The following NRG2 variants were observed in gnomAD, a reference collection of about 807,000 sequenced individuals.
NRG2 encodes the protein pro-neuregulin-2, membrane-bound isoform.
NRG2 carries 27 observed loss-of-function variants against 73.9 expected under a neutral mutation model. The observed-to-expected ratio is 0.37, with a 90% confidence interval of 0.27 to 0.50. The LOEUF is 0.50. Among genes scored for constraint, NRG2 ranks in the 20% least tolerant of loss-of-function variants. NRG2 has a pLI of 0.96. For synonymous variants in NRG2, 532 were observed against 541.0 expected (o/e 0.98, Z 0.23); for missense variants, 1,126 against 1,210.1 (o/e 0.93, Z 1.03).
At chr5:139,857,479 T>G (rs1359922641) in intron 5 of NRG2, among the ~76,000 whole-genome samples, 1 of 151,874 alleles carries the variant, frequency 6.6e-6, no homozygotes, top group Non-Finnish European at 1.5e-5. Context: ...TCAGACTTGT[T>G]GAGTTTACCA....
chr5:139,936,582 A>G (rs1338589846), intron 1 of NRG2, among the ~76,000 whole-genome samples: 1 of 152,188 alleles, frequency 6.6e-6, no homozygotes, highest in Non-Finnish European at 1.5e-5. Context: ...ATATTTAAGA[A>G]AGAAGGAATA....
intron 1 of NRG2, among the ~76,000 whole-genome samples, chr5:139,997,850 G>T (rs940783985): frequency 2.6e-5 from 4 of 152,242 alleles, no homozygotes; most frequent in Admixed American, 1.3e-4. Flanking sequence ...CCTCTCCATG[G>T]AGCCTGGAAC....
In NRG2 at chr5:139,856,819, A is replaced by G. The variant is rs1761836947; in HGVS notation, c.1190-1041T>C. 6.6e-6 allele frequency among the ~76,000 whole-genome samples: 1 copy of G among 152,160 alleles called. No individual in the cohort carries two copies. On this transcript the variant is annotated intron_variant, in intron 5 of 9. Transcript: ENST00000361474. This position sits in a 1 kb window ranked among gnomAD's most constrained non-coding sequence, Gnocchi z 4.2. ...ACACACCTGCACACACAACATATGC[A>G]CACACACAGAGTTAACCACACACTC...
rs1177624102 is a variant in NRG2, at chr5:140,043,122, G to A, written c.-53C>T. Reference sequence around the variant, plus strand: ...CGCTCAGCCGCCGCCGCCTTGGGAGGGGAAACAGAGCCCGCTGGAAAACCG... The same window carrying A: ...CGCTCAGCCGCCGCCGCCTTGGGAGAGGAAACAGAGCCCGCTGGAAAACCG... On this transcript the variant is annotated 5_prime_UTR_variant, in exon 1 of 10. Transcript: ENST00000361474. The surrounding 1 kb of genome is among the most constrained non-coding windows in gnomAD (Gnocchi z 6.7). 1 of 1,554,016 alleles carries A rather than the reference G, an allele frequency of 6.4e-7. No homozygotes were observed. Among genetic ancestry groups the A allele is most frequent in the Non-Finnish European group, 8.6e-7 (1 of 1,156,766 alleles).
Position 139,954,630 on chromosome 5 carries a change from C to G in NRG2, c.701-67119G>C, listed in dbSNP as rs1434459953. Among the ~76,000 whole-genome samples the G allele has an allele frequency of 2.0e-5, 3 of 152,234 alleles. No homozygotes were observed. The highest frequency in any genetic ancestry group is 7.2e-5 in the African/African-American group (3 of 41,460). ...ATCCTCACTCCCATGGCTCTCCAGG[C>G]CAAGCCCTCCACCCCAGCGACTCTC... On this transcript the variant is annotated intron_variant, in intron 1 of 9. Coordinates refer to ENST00000361474, the MANE Select transcript of NRG2 (RefSeq NM_004883.3). This position sits in a 1 kb window ranked among gnomAD's most constrained non-coding sequence, Gnocchi z 5.0.
intron 1 of NRG2, among the ~76,000 whole-genome samples, chr5:139,996,030 A>C (rs1319132980): frequency 6.6e-6 from 1 of 152,222 alleles, no homozygotes; most frequent in Non-Finnish European, 1.5e-5. Context: ...AAAAGAAAAA[A>C]GAAAGAAAAG....
chr5:139,958,536 TA>T (rs1157493967), intron 1 of NRG2, among the ~76,000 whole-genome samples: 3 of 152,182 alleles, frequency 2.0e-5, no homozygotes, highest in African/African-American at 7.2e-5. Flanking sequence ...GGAAAAAGGA[TA>T]TTTTTTGTGG....
intron 3 of NRG2, among the ~76,000 whole-genome samples, chr5:139,875,637 A>G (rs1177411281): frequency 1.3e-5 from 2 of 152,192 alleles, no homozygotes; most frequent in Non-Finnish European, 2.9e-5. Flanking sequence ...CAAAGCCACA[A>G]TGAGACCAAG....
intron 3 of NRG2, among the ~76,000 whole-genome samples, chr5:139,880,588 C>T (rs1763468516): frequency 6.6e-6 from 1 of 152,196 alleles, no homozygotes; most frequent in African/African-American, 2.4e-5. Context: ...CTTTCCCCAC[C>T]CCCACCTCTT....
In NRG2 at chr5:139,852,662, G is replaced by C. The variant is rs1761525344; in HGVS notation, c.1417-103C>G. On this transcript the variant is annotated intron_variant, in intron 7 of 9. Transcript: ENST00000361474. The surrounding 1 kb of genome is among the most constrained non-coding windows in gnomAD (Gnocchi z 4.4). ...TGAGCACTGACTGAGCTCCTGGTTG[G>C]GGAGACCCACTGTGTGAGAGTGACT... 1 of 1,523,436 alleles carries C rather than the reference G, an allele frequency of 6.6e-7. No individual in the cohort carries two copies. The highest frequency in any genetic ancestry group is 1.4e-5 in the African/African-American group (1 of 72,642). The allele number at this position is 1,523,436 out of a possible 1,614,324, so 94.4% of individuals were successfully genotyped here. A position where few individuals can be genotyped will look rare whatever the true frequency, so the allele number is the denominator to read the frequency against.
chr5:139,858,468 T>C (rs1761944917), intron 5 of NRG2, among the ~76,000 whole-genome samples: 1 of 152,234 alleles, frequency 6.6e-6, no homozygotes, highest in African/African-American at 2.4e-5. Flanking sequence ...TGTGCAGCAC[T>C]GAACACCACC....
intron 1 of NRG2, among the ~76,000 whole-genome samples, chr5:139,892,972 C>G (rs1032904950): frequency 6.6e-6 from 1 of 152,122 alleles, no homozygotes; most frequent in African/African-American, 2.4e-5. Flanking sequence ...AGTAACCACC[C>G]CTACTCCGCA....
chr5:139,890,983 C>G (rs1304781006), intron 1 of NRG2, among the ~76,000 whole-genome samples: 1 of 152,204 alleles, frequency 6.6e-6, no homozygotes, highest in Non-Finnish European at 1.5e-5. Flanking sequence ...TTCTTATGAA[C>G]TGGGGACACA....
chr5:139,948,472 C>T (rs989728382), intron 1 of NRG2, among the ~76,000 whole-genome samples: 10 of 152,162 alleles, frequency 6.6e-5, no homozygotes, highest in Admixed American at 6.5e-4. Context: ...GCCACCATTC[C>T]AGCCCATCAC....
At chr5:139,950,089 T>A (rs1754087675) in intron 1 of NRG2, among the ~76,000 whole-genome samples, 1 of 152,138 alleles carries the variant, frequency 6.6e-6, no homozygotes, top group African/African-American at 2.4e-5. Context: ...TTTCAAAGGA[T>A]CATTAGTAGA....
At chr5:139,918,920 G>A (rs558629020) in intron 1 of NRG2, among the ~76,000 whole-genome samples, 1 of 152,304 alleles carries the variant, frequency 6.6e-6, no homozygotes, top group South Asian at 2.1e-4. Context: ...GGAGAGGCCA[G>A]GAGGGAGCAA....
intron 1 of NRG2, among the ~76,000 whole-genome samples, chr5:140,011,371 C>T (rs1036087469): frequency 9.2e-5 from 14 of 152,194 alleles, no homozygotes; most frequent in African/African-American, 2.9e-4. Context: ...GTGATCTTAT[C>T]GCCTAGTACT....
At position 139,950,655 on chromosome 5, in the gene NRG2, C is replaced by A. The variant is rs1446838774; in HGVS notation, c.701-63144G>T. Among the ~76,000 whole-genome samples the A allele has an allele frequency of 2.0e-5, 3 of 152,208 alleles. No homozygotes were observed. The East Asian group carries it at 5.8e-4, about 29-fold the overall frequency. Reference sequence around the variant, plus strand: ...TCCTGGGGCAAATACTTTCCACACGCCAGAATTAAACTAATCCCATTGCAA... The same window carrying A: ...TCCTGGGGCAAATACTTTCCACACGACAGAATTAAACTAATCCCATTGCAA... On this transcript the variant is annotated intron_variant, in intron 1 of 9. Transcript: ENST00000361474.
At chr5:139,949,354 A>T (rs1754025009) in intron 1 of NRG2, among the ~76,000 whole-genome samples, 1 of 152,166 alleles carries the variant, frequency 6.6e-6, no homozygotes, top group Non-Finnish European at 1.5e-5. Context: ...TCTCTAGCAA[A>T]TCCTGCTCTT....
Sources: gnomAD v4.1 joint callset for allele counts (sites outside exome capture counted in the v4.1 genomes callset) on GRCh38, gnomAD v4.1.1 for gene constraint, Gnocchi (gnomAD v3.1) non-coding constraint, MANE v1.5 for transcripts, NCBI Gene and HGNC (gene_info 2026-07-23, HGNC 2026-07-21) for gene names.